ASTN2: variants seen among roughly 807,000 people sequenced by gnomAD.
ASTN2 encodes astrotactin-2.
In ASTN2, 54 loss-of-function variants were observed where a neutral mutation model predicts 139.8. That is an observed-to-expected ratio of 0.39 (90% CI 0.31 to 0.48). ASTN2 has a LOEUF of 0.48. ASTN2 is among the 20% of genes least tolerant of loss of function. The pLI is 0.95. For missense variants in ASTN2, 1,565 were observed against 1,725.1 expected (o/e 0.91, Z 1.64); for synonymous variants, 756 against 719.5 (o/e 1.05, Z -0.81).
intron 13 of ASTN2, among the ~76,000 whole-genome samples, chr9:116,743,577 T>C (rs1292035428): frequency 6.6e-6 from 1 of 151,700 alleles, no homozygotes; most frequent in Non-Finnish European, 1.5e-5. Flanking sequence ...ACTGGTGTGA[T>C]CTCGGCTCAC....
intron 20 of ASTN2, among the ~76,000 whole-genome samples, chr9:116,465,379 C>T (rs191808990): frequency 7.2e-5 from 11 of 152,120 alleles, no homozygotes; most frequent in Admixed American, 7.2e-4. Context: ...TGGCTGGGTA[C>T]GGTTGGGGCA....
chr9:116,807,584 C>T (rs1393852069), intron 12 of ASTN2, among the ~76,000 whole-genome samples: 1 of 152,114 alleles, frequency 6.6e-6, no homozygotes, highest in Non-Finnish European at 1.5e-5. Context: ...ATTACTAAGT[C>T]CCTTTTAATA....
At chr9:116,977,707 TTC>T (rs925202279) in intron 7 of ASTN2, among the ~76,000 whole-genome samples, 1 of 91,486 alleles carries the variant, frequency 1.1e-5, no homozygotes, top group African/African-American at 4.2e-5. Context: ...GGTATAGAAT[TTC>T]TTTTTCTTTT....
intron 6 of ASTN2, among the ~76,000 whole-genome samples, chr9:117,031,387 G>T (rs886775258): frequency 1.3e-5 from 2 of 152,050 alleles, no homozygotes; most frequent in Non-Finnish European, 2.9e-5. Context: ...ATAAGCTGTG[G>T]TCCTTGCCCT....
intron 5 of ASTN2, among the ~76,000 whole-genome samples, chr9:117,064,000 G>T (rs550353381): frequency 6.6e-5 from 10 of 152,154 alleles, no homozygotes; most frequent in Admixed American, 5.9e-4. Flanking sequence ...GCAGCTGAAA[G>T]ATTGTTTTCC....
rs148563916 is a variant in ASTN2, at chr9:116,549,056, C to T, written c.3356-61556G>A. 6.2e-3 allele frequency among the ~76,000 whole-genome samples: 938 copies of T among 152,094 alleles called. 14 individuals are homozygous for T. Among genetic ancestry groups the T allele is most frequent in the African/African-American group, 0.021 (879 of 41,466 alleles). Reference sequence around the variant, plus strand: ...TTAAAGTATCATCAAATTAAGTTGTCTCATTGGACAGATGGGAAAATTGGG... The same window carrying T: ...TTAAAGTATCATCAAATTAAGTTGTTTCATTGGACAGATGGGAAAATTGGG... On this transcript the variant is annotated intron_variant, in intron 19 of 22. Transcript: ENST00000313400.
intron 4 of ASTN2, among the ~76,000 whole-genome samples, chr9:117,114,284 G>A (rs532065238): frequency 3.3e-5 from 5 of 152,086 alleles, no homozygotes; most frequent in African/African-American, 1.2e-4. Context: ...ATTATCGAAT[G>A]ACACTCTTAT....
intron 5 of ASTN2, among the ~76,000 whole-genome samples, chr9:117,053,840 A>C (rs1161178512): frequency 6.6e-6 from 1 of 152,144 alleles, no homozygotes; most frequent in Non-Finnish European, 1.5e-5. Context: ...TATTAGAATA[A>C]ACACACCCAT....
intron 11 of ASTN2, among the ~76,000 whole-genome samples, chr9:116,861,295 T>C (rs1461768218): frequency 6.6e-6 from 1 of 151,806 alleles, no homozygotes; most frequent in Non-Finnish European, 1.5e-5. Flanking sequence ...TCCTATGGGA[T>C]ATCTATCCTA....
chr9:117,135,941 G>A (rs1443926796), intron 4 of ASTN2, among the ~76,000 whole-genome samples: 1 of 152,190 alleles, frequency 6.6e-6, no homozygotes, highest in Non-Finnish European at 1.5e-5. Flanking sequence ...GGGGTCAGGA[G>A]TAGACAGAGG....
chr9:116,826,032 TC>T lies in ASTN2; in HGVS notation c.2041-5250del, dbSNP rs546021629. ...GACTGAGACATGGATAGACTGTACT[TC>T]CCACAGCTTCTTGCTCACCTTTCTT... On this transcript the variant is annotated intron_variant, in intron 11 of 22. Coordinates refer to ENST00000313400, the MANE Select transcript of ASTN2 (RefSeq NM_001365068.1). 3.3e-5 allele frequency among the ~76,000 whole-genome samples: 5 copies of T among 152,292 alleles called. No homozygotes were observed. The South Asian group carries it at 1.0e-3, about 32-fold the overall frequency.
chr9:117,403,224 G>A (rs566051939), intron 1 of ASTN2, among the ~76,000 whole-genome samples: 54 of 152,274 alleles, frequency 3.5e-4, no homozygotes, highest in African/African-American at 1.2e-3. Context: ...GAAAGCCTGG[G>A]TTAAATAATC....
chr9:116,889,865 C>T (rs1034521977), intron 10 of ASTN2, among the ~76,000 whole-genome samples: 3 of 151,930 alleles, frequency 2.0e-5, no homozygotes, highest in African/African-American at 7.3e-5. Context: ...TAGGACTTGG[C>T]AGCTGCAGTG....
At chr9:116,882,823 AC>A (rs1463737984) in intron 10 of ASTN2, among the ~76,000 whole-genome samples, 2 of 132,414 alleles carry the variant, frequency 1.5e-5, no homozygotes, top group South Asian at 2.4e-4. Context: ...AGAGACCTTG[AC>A]TCTTAAAAAA....
intron 6 of ASTN2, among the ~76,000 whole-genome samples, chr9:117,014,649 C>A (rs1009458696): frequency 1.3e-5 from 2 of 152,104 alleles, no homozygotes; most frequent in Admixed American, 6.6e-5. Context: ...GCAGTTCTAA[C>A]CTCTAGTGTC....
At chr9:116,772,580 C>A (rs953295974) in intron 13 of ASTN2, among the ~76,000 whole-genome samples, 2 of 152,184 alleles carry the variant, frequency 1.3e-5, no homozygotes, top group African/African-American at 4.8e-5. Context: ...TAAATGCCAA[C>A]CATGTAGTTG....
intron 4 of ASTN2, among the ~76,000 whole-genome samples, chr9:117,104,423 T>C (rs748532569): frequency 2.6e-5 from 4 of 152,220 alleles, no homozygotes; most frequent in African/African-American, 4.8e-5. Context: ...TCCACTTGTG[T>C]AAATTTATAT....
intron 7 of ASTN2, among the ~76,000 whole-genome samples, chr9:116,990,504 T>A (rs1564373551): frequency 6.6e-6 from 1 of 151,960 alleles, no homozygotes; most frequent in Non-Finnish European, 1.5e-5. Flanking sequence ...TGGCCTCAAG[T>A]GATTGATCTG....
chr9:116,521,031 C>T (rs777419755), intron 19 of ASTN2, among the ~76,000 whole-genome samples: 16 of 152,180 alleles, frequency 1.1e-4, no homozygotes, highest in South Asian at 8.3e-4. Flanking sequence ...GAATATATCC[C>T]ATGCCTATGA....
Sources: allele counts gnomAD v4.1 joint callset (sites outside exome capture counted in the v4.1 genomes callset), GRCh38; gene constraint gnomAD v4.1.1; transcripts MANE v1.5; gene names NCBI Gene and HGNC (gene_info 2026-07-23, HGNC 2026-07-21).